Variants in PTPRT observed in about 807,000 individuals in gnomAD.
The protein encoded by PTPRT is receptor-type tyrosine-protein phosphatase T.
Under a neutral mutation model 176.8 loss-of-function variants are expected in PTPRT, and 56 were observed. The ratio of observed to expected loss-of-function variants is 0.32; its 90% CI spans 0.26 to 0.40. The LOEUF (loss-of-function observed/expected upper bound fraction) is 0.40, where lower values mean the gene tolerates loss of function less well. Ranked by LOEUF, PTPRT falls within the 10% of genes least tolerant of loss-of-function variation. The pLI is 1.00. For missense variants in PTPRT, 1,540 were observed against 1,908.2 expected (o/e 0.81, Z 3.60); for synonymous variants, 783 against 739.0 (o/e 1.06, Z -0.96).
Position 42,552,421 on chromosome 20 carries a change from G to T in PTPRT, c.1154-79859C>A, listed in dbSNP as rs150319064. On this transcript the variant is annotated intron_variant, in intron 7 of 30. Coordinates refer to ENST00000373187, the MANE Select transcript of PTPRT (RefSeq NM_007050.6). ...ATTATTCAATAGTCTTGCCATAATG[G>T]GTTAAGTGTGTGAAAAATATCCAAT... Among the ~76,000 whole-genome samples, 441 of 152,096 alleles carry T rather than the reference G, an allele frequency of 2.9e-3. 1 individual carries two copies. Among genetic ancestry groups the T allele is most frequent in the African/African-American group, 0.01 (427 of 41,472 alleles).
At chr20:42,906,282 C>G (rs373836263) in intron 1 of PTPRT, among the ~76,000 whole-genome samples, 4 of 152,116 alleles carry the variant, frequency 2.6e-5, no homozygotes, top group African/African-American at 9.7e-5. Context: ...GGAGGCTGAC[C>G]GTCAAAATGA....
Position 42,627,390 on chromosome 20 carries a change from T to C in PTPRT, c.1153+50476A>G, listed in dbSNP as rs1259408473. Among the ~76,000 whole-genome samples the C allele has an allele frequency of 3.9e-5, 6 of 152,136 alleles. No individual in the cohort carries two copies. In the South Asian group the frequency reaches 6.2e-4, roughly 16 times the overall value. The stretch of plus-strand genomic sequence containing the variant: ...ACAACCCTCTTGCCTCAACCTCCCA[T>C]GCCCATGTAGCTGGGACTACAGGTA... On this transcript the variant is annotated intron_variant, in intron 7 of 30. Transcript: ENST00000373187.
rs567042770 is a variant in PTPRT at position 42,257,708 on chromosome 20, C to T, written c.2177-8886G>A. ...CCTGCCATGTAAGATGCCTGCTGCC[C>T]CTTTGCCTTCTGTCATGATTGGAAG... On this transcript the variant is annotated intron_variant, in intron 13 of 30. Transcript: ENST00000373187. Among the ~76,000 whole-genome samples the T allele has an allele frequency of 9.6e-5, 14 of 146,402 alleles. 1 individual carries two copies. The South Asian group carries it at 2.0e-3, about 21-fold the overall frequency.
At chr20:43,115,435 C>A (rs2013023293) in intron 1 of PTPRT, among the ~76,000 whole-genome samples, 1 of 152,160 alleles carries the variant, frequency 6.6e-6, no homozygotes, top group Admixed American at 6.5e-5. Context: ...TTCAAGCCCC[C>A]CAGTCAAAAA....
At chr20:42,049,328 T>A in the PTPRT span, among the ~76,000 whole-genome samples, 251 of 152,342 alleles carry the variant, frequency 1.6e-3, no homozygotes, top group Middle Eastern at 6.8e-3. Context: ...GCCCTTCACA[T>A]GTCTCTTGGC....
chr20:42,199,255 C>T lies in PTPRT; in HGVS notation c.2476G>A (p.Asp826Asn), dbSNP rs377307459. The T allele has an allele frequency of 6.2e-7, 1 of 1,614,114 alleles. No homozygotes were observed. ...NDEGFSSSSQ[D>N]VNGFTDGSRG... The stretch of plus-strand genomic sequence containing the variant: ...CTCTACTTACTGAATCCGTTGACGT[C>T]CTGAGAACTAGAAGAGAAGCCTTCA... Residue 826 changes from aspartate to asparagine, a missense_variant, in exon 16 of 31, where the codon GAC becomes AAC. Physicochemically the swap from Asp to Asn is conservative, Grantham distance 23 (BLOSUM62 1). Around this residue, in one of 11 missense-constraint regions of PTPRT, gnomAD observed 255 missense variants for 250.1 expected, o/e 1.02. Coordinates refer to ENST00000373187, the MANE Select transcript of PTPRT (RefSeq NM_007050.6).
the PTPRT span, among the ~76,000 whole-genome samples, chr20:42,034,665 G>T: frequency 6.6e-6 from 1 of 152,134 alleles, no homozygotes; most frequent in Non-Finnish European, 1.5e-5. Context: ...ATGACCTGCT[G>T]CTCTCACCCC....
At chr20:43,158,782 A>G (rs1305590616) in intron 1 of PTPRT, among the ~76,000 whole-genome samples, 2 of 152,200 alleles carry the variant, frequency 1.3e-5, no homozygotes, top group Admixed American at 1.3e-4. Context: ...CAGAAAATCT[A>G]GAAGAAGAAT....
chr20:42,894,104 G>A lies in PTPRT; in HGVS notation c.89-8172C>T, dbSNP rs566298838. 3.4e-4 allele frequency among the ~76,000 whole-genome samples: 51 copies of A among 152,122 alleles called. No individual in the cohort carries two copies. The South Asian group carries it at 9.6e-3, about 29-fold the overall frequency. On this transcript the variant is annotated intron_variant, in intron 1 of 30. Coordinates refer to ENST00000373187, the MANE Select transcript of PTPRT (RefSeq NM_007050.6). ...CAAAACAGATGGAGATTCTGAATCCGAGAAAGAAGGGAAGTCCAAGGTTGA... is the reference window on the plus strand; with the variant it reads ...CAAAACAGATGGAGATTCTGAATCCAAGAAAGAAGGGAAGTCCAAGGTTGA...
intron 16 of PTPRT, among the ~76,000 whole-genome samples, chr20:42,178,448 A>T (rs1274546222): frequency 2.0e-5 from 3 of 152,220 alleles, no homozygotes. Flanking sequence ...ATTGAAATGC[A>T]TCAGAAGAAC....
chr20:43,072,285 G>T (rs1432228675), intron 1 of PTPRT, among the ~76,000 whole-genome samples: 1 of 152,194 alleles, frequency 6.6e-6, no homozygotes, highest in Non-Finnish European at 1.5e-5. Context: ...ATATGCAAGA[G>T]AAATTGGTTG....
chr20:42,545,616 C>G (rs1454826020), intron 7 of PTPRT, among the ~76,000 whole-genome samples: 1 of 152,112 alleles, frequency 6.6e-6, no homozygotes, highest in East Asian at 1.9e-4. Flanking sequence ...GATTTATATC[C>G]ACATCACATG....
intron 28 of PTPRT, 119 bp downstream of exon 28, chr20:42,085,609 A>G: frequency 7.0e-7 from 1 of 1,433,180 alleles, no homozygotes; most frequent in Non-Finnish European, 9.5e-7. Context: ...TCCTCAAGGA[A>G]GAAATTATCA....
intron 7 of PTPRT, among the ~76,000 whole-genome samples, chr20:42,620,220 C>T (rs969605017): frequency 5.4e-4 from 81 of 149,460 alleles, no homozygotes; most frequent in Non-Finnish European, 5.6e-4. Context: ...TCAGTGTGCC[C>T]CTGCTGGGGG....
At chr20:42,558,484 G>A (rs759097513) in intron 7 of PTPRT, among the ~76,000 whole-genome samples, 18 of 152,038 alleles carry the variant, frequency 1.2e-4, no homozygotes, top group East Asian at 1.9e-4. Flanking sequence ...GAGTATAATC[G>A]TAATGGGGCT....
chr20:42,543,081 G>A (rs2072612086), intron 7 of PTPRT, among the ~76,000 whole-genome samples: 1 of 152,194 alleles, frequency 6.6e-6, no homozygotes, highest in South Asian at 2.1e-4. Context: ...CAGCGTGCTG[G>A]TTGCTGAATG....
chr20:42,604,694 G>C (rs950872886), intron 7 of PTPRT, among the ~76,000 whole-genome samples: 3 of 152,170 alleles, frequency 2.0e-5, no homozygotes, highest in African/African-American at 7.2e-5. Context: ...CCACTCATTG[G>C]AATCAATAAG....
intron 2 of PTPRT, among the ~76,000 whole-genome samples, chr20:42,833,707 G>A (rs1326273032): frequency 6.6e-6 from 1 of 152,172 alleles, no homozygotes; most frequent in Non-Finnish European, 1.5e-5. Context: ...AGACAACACA[G>A]CCAACATCTG....
chr20:42,157,263 G>A (rs917245627), intron 17 of PTPRT, among the ~76,000 whole-genome samples: 3 of 151,960 alleles, frequency 2.0e-5, no homozygotes, highest in Admixed American at 6.6e-5. Flanking sequence ...TCATGTCCCT[G>A]GAACAAATCT....
Sources: gnomAD v4.1 joint callset for allele counts (sites outside exome capture counted in the v4.1 genomes callset) on GRCh38, gnomAD v4.1.1 for gene constraint, gnomAD v4.1.1 regional missense constraint, MANE v1.5 for transcripts, NCBI Gene and HGNC (gene_info 2026-07-23, HGNC 2026-07-21) for gene names.